Variants in TOX3 observed in about 807,000 individuals in gnomAD.
TOX3 encodes the protein TOX high mobility group box family member 3.
TOX3 carries 22 observed loss-of-function variants against 64.3 expected under a neutral mutation model. That is an observed-to-expected ratio of 0.34 (90% CI 0.24 to 0.49). The LOEUF is 0.49. Ranked by LOEUF, TOX3 falls within the 20% of genes least tolerant of loss-of-function variation. TOX3 has a pLI of 0.99. For synonymous variants in TOX3, 291 were observed against 273.6 expected (o/e 1.06, Z -0.63); for missense variants, 661 against 714.4 (o/e 0.93, Z 0.85).
At chr16:52,537,898 A>G (rs1013045474) in intron 1 of TOX3, among the ~76,000 whole-genome samples, 248 of 142,684 alleles carry the variant, frequency 1.7e-3, no homozygotes, top group Non-Finnish European at 2.8e-3. Flanking sequence ...AAAAAAAAAA[A>G]AAGAAAGAAA....
intron 3 of TOX3, among the ~76,000 whole-genome samples, chr16:52,457,453 G>C (rs903371520): frequency 4.6e-5 from 7 of 152,164 alleles, no homozygotes; most frequent in Non-Finnish European, 1.5e-5. Context: ...TCAAAATAGA[G>C]CATAACATCC....
In TOX3 at chr16:52,450,552, A is replaced by G; in HGVS notation, c.409-6T>C. The stretch of plus-strand genomic sequence containing the variant: ...ACTTGTGTGTGGCTCTGATCCTAGA[A>G]AGGCAGCAACAAAGGGGGAAAATAT... On this transcript the variant is annotated splice_polypyrimidine_tract_variant and splice_region_variant and intron_variant, in intron 3 of 6. Transcript: ENST00000219746. The G allele has an allele frequency of 5.0e-6, 8 of 1,613,536 alleles. No individual in the cohort carries two copies. The highest frequency in any genetic ancestry group is 6.8e-6 in the Non-Finnish European group (8 of 1,179,472).
intron 1 of TOX3, among the ~76,000 whole-genome samples, chr16:52,489,634 C>A (rs549685475): frequency 1.3e-5 from 2 of 152,152 alleles, no homozygotes; most frequent in Admixed American, 6.5e-5. Flanking sequence ...GCATCAACCA[C>A]GAACACTCTC....
intron 6 of TOX3, among the ~76,000 whole-genome samples, chr16:52,440,734 T>C (rs1331845424): frequency 6.6e-6 from 1 of 150,766 alleles, no homozygotes; most frequent in African/African-American, 2.4e-5. Flanking sequence ...TTGGGTTATA[T>C]GGTATTTTTC....
In TOX3 at chr16:52,468,556, AGTT is replaced by A. The variant is rs1960936222; in HGVS notation, c.103_105del (p.Asn35del). 6.2e-7 allele frequency: 1 copy of A among 1,612,060 alleles called. No individual in the cohort carries two copies. Among genetic ancestry groups the A allele is most frequent in the Non-Finnish European group, 8.5e-7 (1 of 1,178,848 alleles). On this transcript the variant is annotated inframe_deletion, in exon 2 of 7. Coordinates refer to ENST00000219746, the MANE Select transcript of TOX3 (RefSeq NM_001080430.4). ...TTGTTCGCCTCAGCCATATTCATAT[AGTT>A]ATTATTATTTCCAAACTGAAAGAAA...
intron 1 of TOX3, among the ~76,000 whole-genome samples, chr16:52,535,904 A>C (rs1962935194): frequency 6.6e-6 from 1 of 152,264 alleles, no homozygotes; most frequent in Non-Finnish European, 1.5e-5. Flanking sequence ...TCTAATAGGG[A>C]TCATCACAAC....
chr16:52,447,037 T>C (rs78873768), intron 4 of TOX3, among the ~76,000 whole-genome samples: 2,669 of 152,256 alleles, frequency 0.018, 38 homozygotes, highest in Middle Eastern at 0.061. Flanking sequence ...ACATTGACCA[T>C]ATGAACTCTG....
At chr16:52,461,700 T>C (rs903836009) in intron 3 of TOX3, among the ~76,000 whole-genome samples, 4 of 152,144 alleles carry the variant, frequency 2.6e-5, no homozygotes, top group African/African-American at 9.7e-5. Context: ...GCATAAGGTA[T>C]GAAATATCCA....
chr16:52,513,374 G>C (rs373509455), intron 1 of TOX3, among the ~76,000 whole-genome samples: 1 of 152,152 alleles, frequency 6.6e-6, no homozygotes, highest in South Asian at 2.1e-4. Flanking sequence ...GTATTCAATG[G>C]ACAGAAATCT....
chr16:52,507,660 T>C (rs1378555760), intron 1 of TOX3, among the ~76,000 whole-genome samples: 1 of 152,180 alleles, frequency 6.6e-6, no homozygotes, highest in Non-Finnish European at 1.5e-5. Flanking sequence ...TAAAAAAAGA[T>C]ACATAATCAA....
At chr16:52,440,286 AC>A (rs945635605) in intron 6 of TOX3, among the ~76,000 whole-genome samples, 4 of 151,604 alleles carry the variant, frequency 2.6e-5, no homozygotes, top group Admixed American at 6.6e-5. Context: ...TGGCCCAATT[AC>A]CCCCCTCAAG....
rs1296497863 is a variant in TOX3 at position 52,519,151 on chromosome 16, CAGAT to C, written c.87+27482_87+27485del. 6.6e-5 allele frequency among the ~76,000 whole-genome samples: 10 copies of C among 152,348 alleles called. No individual in the cohort carries two copies. In the South Asian group the frequency reaches 8.3e-4, roughly 13 times the overall value. Reference sequence around the variant, plus strand: ...CTGTTCTAGCGCTAAATGCACCAGACAGATGGATGGGCTAATCCGTCTTCAGTTA... The same window carrying C: ...CTGTTCTAGCGCTAAATGCACCAGACGGATGGGCTAATCCGTCTTCAGTTA... On this transcript the variant is annotated intron_variant, in intron 1 of 6. Coordinates refer to ENST00000219746, the MANE Select transcript of TOX3 (RefSeq NM_001080430.4).
chr16:52,504,317 A>G (rs1962093682), intron 1 of TOX3, among the ~76,000 whole-genome samples: 1 of 152,056 alleles, frequency 6.6e-6, no homozygotes, highest in African/African-American at 2.4e-5. Flanking sequence ...ATACAAAAAA[A>G]TTAGCCAGGC....
chr16:52,489,450 C>T (rs564440789), intron 1 of TOX3, among the ~76,000 whole-genome samples: 205 of 152,248 alleles, frequency 1.3e-3, no homozygotes, highest in Non-Finnish European at 7.2e-4. Flanking sequence ...ACATGTCCCC[C>T]GTAGTATCTA....
intron 2 of TOX3, 123 bp from the exon 3 acceptor site, chr16:52,464,311 C>T: frequency 9.2e-7 from 1 of 1,090,780 alleles, no homozygotes; most frequent in African/African-American, 1.6e-5. Context: ...ATATTTATTT[C>T]TCAAATGAAA....
At chr16:52,480,796 C>T (rs1364773703) in intron 1 of TOX3, among the ~76,000 whole-genome samples, 2 of 152,152 alleles carry the variant, frequency 1.3e-5, no homozygotes, top group East Asian at 1.9e-4. Flanking sequence ...TGTTCAGGTG[C>T]CAAAAACTAA....
At chr16:52,440,748 C>CTTTTTTTTTTTTTTTTT (rs1425662404) in intron 6 of TOX3, among the ~76,000 whole-genome samples, 2 of 89,456 alleles carry the variant, frequency 2.2e-5, no homozygotes, top group Non-Finnish European at 2.3e-5. Context: ...ATTTTTCTTT[C>CTTTTTTTTTTTTTTTTT]TTTCTTTTTT....
Position 52,539,790 on chromosome 16 carries a change from C to T in TOX3, c.87+6847G>A, listed in dbSNP as rs150794013. ...CCTCAAAACCAGCTTCTCCTCTCTCCGCTCTGCTTCCACTCAAGGTCTTAC... is the reference window on the plus strand; with the variant it reads ...CCTCAAAACCAGCTTCTCCTCTCTCTGCTCTGCTTCCACTCAAGGTCTTAC... On this transcript the variant is annotated intron_variant, in intron 1 of 6. Transcript: ENST00000219746. Among the ~76,000 whole-genome samples, 1,247 of 152,300 alleles carry T rather than the reference C, an allele frequency of 8.2e-3. 18 individuals are homozygous for T. The highest frequency in any genetic ancestry group is 0.028 in the African/African-American group (1,174 of 41,566).
At chr16:52,501,939 C>T (rs570509354) in intron 1 of TOX3, among the ~76,000 whole-genome samples, 164 of 152,290 alleles carry the variant, frequency 1.1e-3, no homozygotes, top group African/African-American at 3.7e-3. Flanking sequence ...AGGAAGGCAG[C>T]AACAGAATAG....
Sources: gnomAD v4.1 joint callset for allele counts (sites outside exome capture counted in the v4.1 genomes callset) on GRCh38, gnomAD v4.1.1 for gene constraint, MANE v1.5 for transcripts, NCBI Gene and HGNC (gene_info 2026-07-23, HGNC 2026-07-21) for gene names.